ZNF469: variants seen among roughly 807,000 people sequenced by gnomAD.
ZNF469 encodes zinc finger protein 469.
A neutral mutation model predicts 1.0 loss-of-function variants in ZNF469; 1 was observed. The observed-to-expected ratio is 1.00, with a 90% CI of 0.35 to 4.73. ZNF469 has a LOEUF of 4.73. ZNF469 is among the 30% of genes most tolerant of loss of function. The pLI is 0.16. For missense variants in ZNF469, 6,100 were observed against 5,356.3 expected, an observed-to-expected ratio of 1.14 and a Z score of -4.33; for synonymous variants, 2,703 against 2,363.4, an observed-to-expected ratio of 1.14 and a Z score of -4.17.
At chr16:88,196,171 G>A in the ZNF469 span, among the ~76,000 whole-genome samples, 18 of 152,214 alleles carry the variant, frequency 1.2e-4, no homozygotes, top group Non-Finnish European at 2.6e-4. Flanking sequence ...GCCCGAAGTG[G>A]TGCTGATGGC....
the ZNF469 span, among the ~76,000 whole-genome samples, chr16:88,342,286 C>A: frequency 6.6e-6 from 1 of 152,076 alleles, no homozygotes; most frequent in African/African-American, 2.4e-5. Flanking sequence ...ACTTGAGTCT[C>A]TGCCTCCCCT....
the ZNF469 span, among the ~76,000 whole-genome samples, chr16:88,285,818 C>A: frequency 1.3e-5 from 2 of 152,356 alleles, no homozygotes; most frequent in Middle Eastern, 3.4e-3. Flanking sequence ...CCACCCTCGT[C>A]ACAGTGCAGT....
the ZNF469 span, among the ~76,000 whole-genome samples, chr16:88,131,318 T>C: frequency 0.25 from 35,302 of 140,972 alleles, 5,690 homozygotes; most frequent in East Asian, 0.48. Flanking sequence ...CCAAGGCTGG[T>C]GTGTCGCCTA....
At chr16:88,233,890 C>T in the ZNF469 span, among the ~76,000 whole-genome samples, 6 of 152,356 alleles carry the variant, frequency 3.9e-5, no homozygotes, top group East Asian at 3.9e-4. Flanking sequence ...CTCTCTCGCC[C>T]GCAGCCCCGT....
chr16:88,381,153 C>G (rs1367546354), upstream of ZNF469, among the ~76,000 whole-genome samples: 1 of 147,114 alleles, frequency 6.8e-6, no homozygotes, highest in African/African-American at 2.6e-5. Context: ...CACACACTCA[C>G]ACACAGACAC....
rs1346514784 is a variant in ZNF469 at position 88,432,798 on chromosome 16, C to T, written c.5328C>T (p.Phe1776=). 1.3e-6 allele frequency: 2 copies of T among 1,550,274 alleles called. No individual in the cohort carries two copies. Among genetic ancestry groups the T allele is most frequent in the Admixed American group, 2.0e-5 (1 of 50,992 alleles). The change falls in exon 3 of 3, where the codon TTC becomes TTT. Residue 1776 remains phenylalanine, a synonymous_variant. Transcript: ENST00000565624. ...RLLPCEQRGG[F]LPEPGTADQP... ...TTCCCTGTGAACAGAGAGGAGGGTTCCTCCCAGAGCCCGGCACAGCAGACC... is the reference window on the plus strand; with the variant it reads ...TTCCCTGTGAACAGAGAGGAGGGTTTCTCCCAGAGCCCGGCACAGCAGACC...
In ZNF469 at chr16:88,430,306, A is replaced by G. The variant is rs1159103208; in HGVS notation, c.2836A>G (p.Arg946Gly). Reference protein sequence around the residue: ...ADAPSQGRQQRRGKQLKLFRK... With the variant: ...ADAPSQGRQQGRGKQLKLFRK... ...TGCGCCCAGCCAGGGCAGGCAGCAG[A>G]GGAGGGGGAAGCAGTTGAAGCTGTT... Residue 946 changes from arginine to glycine, a missense_variant, in exon 3 of 3, where the codon AGG (arginine) becomes GGG (glycine). Physicochemically the swap from Arg to Gly is moderately radical, Grantham distance 125. Transcript: ENST00000565624. 1 of 1,514,964 alleles carries G rather than the reference A, an allele frequency of 6.6e-7. No homozygotes were observed. The highest frequency in any genetic ancestry group is 2.0e-5 in the Admixed American group (1 of 48,796). The allele number at this position is 1,514,964 out of a possible 1,614,324, so 93.8% of individuals were successfully genotyped here. A position where few individuals can be genotyped will look rare whatever the true frequency, so the allele number is the denominator to read the frequency against.
At chr16:88,212,060 T>C in the ZNF469 span, among the ~76,000 whole-genome samples, 1 of 152,250 alleles carries the variant, frequency 6.6e-6, no homozygotes, top group African/African-American at 2.4e-5. Flanking sequence ...CTTGCTTTGT[T>C]TATTCCTTGA....
At chr16:88,287,910 T>G in the ZNF469 span, among the ~76,000 whole-genome samples, 1 of 152,212 alleles carries the variant, frequency 6.6e-6, no homozygotes, top group Non-Finnish European at 1.5e-5. Context: ...ACATGTTTTT[T>G]AGAAATGATT....
At chr16:88,131,308 C>G in the ZNF469 span, among the ~76,000 whole-genome samples, 12 of 152,192 alleles carry the variant, frequency 7.9e-5, 1 homozygote, top group Non-Finnish European at 4.4e-5. Flanking sequence ...CAAAACAATA[C>G]CAAGGCTGGT....
chr16:88,185,771 C>T, the ZNF469 span, among the ~76,000 whole-genome samples: 27 of 149,126 alleles, frequency 1.8e-4, no homozygotes, highest in African/African-American at 5.8e-4. Flanking sequence ...CAGACACATT[C>T]GCACACTCAC....
chr16:88,303,327 G>A, the ZNF469 span, among the ~76,000 whole-genome samples: 4 of 152,332 alleles, frequency 2.6e-5, no homozygotes, highest in Non-Finnish European at 2.9e-5. Context: ...CCTGGGCCCC[G>A]TTGGCTGGGG....
At chr16:88,133,205 G>T in the ZNF469 span, among the ~76,000 whole-genome samples, 1 of 152,254 alleles carries the variant, frequency 6.6e-6, no homozygotes, top group East Asian at 1.9e-4. Context: ...GCCCTGCCAG[G>T]GCTCCTTCCG....
In ZNF469 at chr16:88,436,344, C is replaced by T. The variant is rs1252013195; in HGVS notation, c.8874C>T (p.Leu2958=). The T allele has an allele frequency of 6.5e-7, 1 of 1,549,742 alleles. No homozygotes were observed. The highest frequency in any genetic ancestry group is 1.2e-5 in the South Asian group (1 of 84,048). ...VPGIDPWAPG[L]SLWALEPSRE... ...GCATTGACCCCTGGGCCCCCGGCCTCAGCCTGTGGGCCCTGGAGCCCAGCA... is the reference window on the plus strand; with the variant it reads ...GCATTGACCCCTGGGCCCCCGGCCTTAGCCTGTGGGCCCTGGAGCCCAGCA... Residue 2958 remains leucine (L), a synonymous_variant, in exon 3 of 3, where the codon CTC becomes CTT. Coordinates refer to ENST00000565624, the MANE Select transcript of ZNF469 (RefSeq NM_001367624.2).
At chr16:88,110,167 C>G in the ZNF469 span, among the ~76,000 whole-genome samples, 6 of 152,200 alleles carry the variant, frequency 3.9e-5, no homozygotes, top group Non-Finnish European at 4.4e-5. Context: ...TCCAGCTGCC[C>G]CTCCCCAAAT....
At chr16:88,419,178 C>T (rs1905384928) in intron 1 of ZNF469, among the ~76,000 whole-genome samples, 1 of 152,242 alleles carries the variant, frequency 6.6e-6, no homozygotes, top group African/African-American at 2.4e-5. Flanking sequence ...TGCTCCACAC[C>T]CATCGGGGAG....
Position 88,436,633 on chromosome 16 carries a change from A to T in ZNF469, c.9163A>T (p.Met3055Leu), listed in dbSNP as rs1230867776. 1.3e-6 allele frequency: 2 copies of T among 1,550,162 alleles called. No homozygotes were observed. Among genetic ancestry groups the T allele is most frequent in the African/African-American group, 2.7e-5 (2 of 73,010 alleles). ...DFEVLSTKFE[M>L]QDLCFLGPFE... ...TGAGGTGCTCAGCACCAAGTTTGAG[A>T]TGCAAGACCTGTGCTTTCTGGGACC... Residue 3055 changes from methionine to leucine, a missense_variant, in exon 3 of 3, where the codon ATG (methionine) becomes TTG (leucine). Met to Leu is a conservative substitution (Grantham distance 15). Coordinates refer to ENST00000565624, the MANE Select transcript of ZNF469 (RefSeq NM_001367624.2).
the ZNF469 span, among the ~76,000 whole-genome samples, chr16:88,102,713 C>T: frequency 7.9e-5 from 12 of 152,324 alleles, no homozygotes; most frequent in East Asian, 7.7e-4. Context: ...TTGCAGACGC[C>T]GTACTTGGAT....
chr16:88,409,079 C>T (rs1395689555), intron 1 of ZNF469, among the ~76,000 whole-genome samples: 1 of 152,202 alleles, frequency 6.6e-6, no homozygotes, highest in Non-Finnish European at 1.5e-5. Context: ...AAGGAAGCTT[C>T]TCTCTGGGGG....
Sources: gnomAD v4.1 joint callset for allele counts (sites outside exome capture counted in the v4.1 genomes callset) on GRCh38, gnomAD v4.1.1 for gene constraint, MANE v1.5 for transcripts, NCBI Gene and HGNC (gene_info 2026-07-23, HGNC 2026-07-21) for gene names.